GTF3A: variants seen among roughly 807,000 people sequenced by gnomAD.
GTF3A encodes the protein transcription factor IIIA.
A neutral mutation model predicts 37.6 loss-of-function variants in GTF3A; 40 were observed. The ratio of observed to expected loss-of-function variants is 1.06; its 90% CI spans 0.83 to 1.38. The LOEUF (loss-of-function observed/expected upper bound fraction) is 1.38, where lower values mean the gene tolerates loss of function less well. Ranked by LOEUF, GTF3A falls within the 40% of genes most tolerant of loss-of-function variation. The probability of loss-of-function intolerance (pLI) is 0.00; values close to 1 mark genes in which losing one functional copy is unlikely to be tolerated. For missense variants in GTF3A, 500 were observed against 462.6 expected (o/e 1.08, Z -0.74); for synonymous variants, 191 against 166.7 (o/e 1.15, Z -1.12).
rs977129512 is a variant in GTF3A, at chr13:27,435,192, A to G, written c.933A>G (p.Lys311=). 6 of 1,596,894 alleles carry G rather than the reference A, an allele frequency of 3.8e-6. No individual in the cohort carries two copies. The African/African-American group carries it at 4.1e-5, about 11-fold the overall frequency. Residue 311 remains lysine (K), a splice_region_variant and synonymous_variant, in exon 8 of 9, where the codon AAA becomes AAG. Transcript: ENST00000381140. Reference sequence around the variant, plus strand: ...CTGACAAGAAGAAAATGAAGCTCAAAGTAAGTTGAAACTACTTAGGCAAGC... The same window carrying G: ...CTGACAAGAAGAAAATGAAGCTCAAGGTAAGTTGAAACTACTTAGGCAAGC...
chr13:27,434,573 G>C (rs1324817074), intron 6 of GTF3A: 3 of 568,140 alleles, frequency 5.3e-6, no homozygotes, highest in Admixed American at 6.7e-5. Flanking sequence ...TCACCTTCCT[G>C]AGAGCCCTGC....
chr13:27,435,028 A>G lies in GTF3A; in HGVS notation c.867A>G (p.Ala289=). The change falls in exon 7 of 9, where the codon GCA becomes GCG. Residue 289 remains alanine, a synonymous_variant. Coordinates refer to ENST00000381140, the MANE Select transcript of GTF3A (RefSeq NM_002097.3). Reference sequence around the variant, plus strand: ...ATGCTGGCTGTGGCAAAACATTTGCAATGAAAGTAAGCACTCACCCTCATA... The same window carrying G: ...ATGCTGGCTGTGGCAAAACATTTGCGATGAAAGTAAGCACTCACCCTCATA... 1 of 1,591,980 alleles carries G rather than the reference A, an allele frequency of 6.3e-7. No homozygotes were observed. Among genetic ancestry groups the G allele is most frequent in the Non-Finnish European group, 8.6e-7 (1 of 1,159,892 alleles).
chr13:27,425,003 C>T, intron 1 of GTF3A, 65 bp downstream of exon 1: 5 of 1,217,190 alleles, frequency 4.1e-6, no homozygotes, highest in Non-Finnish European at 4.6e-6. Context: ...GTAGCCACTG[C>T]AGTCGTGGCC....
chr13:27,429,034 C>T (rs538764517), intron 2 of GTF3A, among the ~76,000 whole-genome samples: 1 of 152,120 alleles, frequency 6.6e-6, no homozygotes, highest in East Asian at 1.9e-4. Context: ...GGCCACCTGC[C>T]CAGCTAACAC....
At position 27,435,345 on chromosome 13, in the gene GTF3A, A is replaced by AG. The variant is rs1953703273; in HGVS notation, c.934-88_934-87insG. The AG allele has an allele frequency of 1.2e-5, 16 of 1,371,030 alleles. No individual in the cohort carries two copies. The South Asian group carries it at 1.7e-4, about 15-fold the overall frequency. 84.9% of individuals were successfully genotyped at this position (1,371,030 alleles called of 1,614,324 possible). A position where few individuals can be genotyped will look rare whatever the true frequency, so the allele number is the denominator to read the frequency against. ...TCCTCATAAAGCAATGTTGTACACT[A>AG]TATCTGCTGGTACATATGACTATCG... On this transcript the variant is annotated intron_variant, in intron 8 of 8. Transcript: ENST00000381140.
chr13:27,427,138 G>C lies in GTF3A; in HGVS notation c.248G>C (p.Arg83Thr), dbSNP rs761290462. 9 of 1,608,334 alleles carry C rather than the reference G, an allele frequency of 5.6e-6. No homozygotes were observed. The highest frequency in any genetic ancestry group is 4.0e-5 in the African/African-American group (3 of 74,826). ...GAAGGGTGTGGCAAGGCCTTCATCA[G>C]GGACTACCATCTGAGCCGCCACATT... Residue 83 changes from arginine (R) to threonine (T), a missense_variant, in exon 2 of 9, where the codon AGG (arginine) becomes ACG (threonine). Arg to Thr is a moderately conservative substitution (Grantham distance 71). Transcript: ENST00000381140.
In GTF3A at chr13:27,432,727, G is replaced by C; in HGVS notation, c.489-4G>C. ...GGCTAATACCTCATGTGTTGCCAAT[G>C]CAGGTGTACCCAGGAAGGATGTGGG... On this transcript the variant is annotated splice_region_variant and splice_polypyrimidine_tract_variant and intron_variant, in intron 4 of 8. Coordinates refer to ENST00000381140, the MANE Select transcript of GTF3A (RefSeq NM_002097.3). The C allele has an allele frequency of 6.2e-7, 1 of 1,601,110 alleles. No individual in the cohort carries two copies. Among genetic ancestry groups the C allele is most frequent in the Non-Finnish European group, 8.5e-7 (1 of 1,173,270 alleles).
In GTF3A at chr13:27,435,502, C is replaced by G; in HGVS notation, c.1003C>G (p.Gln335Glu). ...TGGATATATCCCTCCCAAAAGGAAA[C>G]AAGGGCAAGGCTTATCTTTGTGTCA... The change falls in exon 9 of 9, where the codon CAA becomes GAA. Residue 335 changes from glutamine to glutamate, a missense_variant. By Grantham distance (29) the Gln-to-Glu change is conservative (BLOSUM62 2). Coordinates refer to ENST00000381140, the MANE Select transcript of GTF3A (RefSeq NM_002097.3). 4 of 1,613,254 alleles carry G rather than the reference C, an allele frequency of 2.5e-6. No individual in the cohort carries two copies. In the South Asian group the frequency reaches 4.4e-5, roughly 18 times the overall value.
At chr13:27,433,946 C>T (rs1414942042) in intron 5 of GTF3A, among the ~76,000 whole-genome samples, 193 bp from the exon 6 acceptor site, 4 of 152,142 alleles carry the variant, frequency 2.6e-5, no homozygotes, top group Non-Finnish European at 5.9e-5. Context: ...AAGGGAGGCA[C>T]CTTGCTGTGC....
In GTF3A at chr13:27,434,975, G is replaced by A; in HGVS notation, c.814G>A (p.Glu272Lys). The stretch of plus-strand genomic sequence containing the variant: ...CCAAAGCCATATCCTCTCCTTCCAT[G>A]AGGAAAGCCGCCCTTTTGTGTGTGA... Residue 272 changes from glutamate to lysine, a missense_variant, in exon 7 of 9, where the codon GAG becomes AAG. Physicochemically the swap from Glu to Lys is moderately conservative, Grantham distance 56. Coordinates refer to ENST00000381140, the MANE Select transcript of GTF3A (RefSeq NM_002097.3). 1.2e-6 allele frequency: 2 copies of A among 1,612,686 alleles called. No homozygotes were observed. The highest frequency in any genetic ancestry group is 1.6e-4 in the Middle Eastern group (1 of 6,062).
intron 5 of GTF3A, 148 bp downstream of exon 5, chr13:27,432,952 G>A (rs1386665949): frequency 1.5e-6 from 1 of 662,314 alleles, no homozygotes; most frequent in Non-Finnish European, 2.7e-6. Context: ...CTTGTCCAAA[G>A]AGGCACTGTA....
Position 27,424,741 on chromosome 13 carries a change from G to C in GTF3A, c.4G>C (p.Asp2His), listed in dbSNP as rs1953586330. 6.8e-7 allele frequency: 1 copy of C among 1,463,816 alleles called. No individual in the cohort carries two copies. Among genetic ancestry groups the C allele is most frequent in the Non-Finnish European group, 9.0e-7 (1 of 1,109,316 alleles). 90.7% of individuals were successfully genotyped at this position (1,463,816 alleles called of 1,614,324 possible). A position where few individuals can be genotyped will look rare whatever the true frequency, so the allele number is the denominator to read the frequency against. The stretch of plus-strand genomic sequence containing the variant: ...TGGGCTTGGAGGCGCCGGCGCCCTG[G>C]ATCCGCCGGCCGTGGTCGCCGAGTC... Residue 2 changes from aspartate (D) to histidine (H), a missense_variant, in exon 1 of 9, where the codon GAT becomes CAT. Asp to His is a moderately conservative substitution (Grantham distance 81). Coordinates refer to ENST00000381140, the MANE Select transcript of GTF3A (RefSeq NM_002097.3).
chr13:27,433,708 C>T (rs759753982), intron 5 of GTF3A, among the ~76,000 whole-genome samples: 17 of 151,836 alleles, frequency 1.1e-4, no homozygotes, highest in Non-Finnish European at 1.8e-4. Context: ...AGTATGTTTG[C>T]TGAGGAAAAT....
At chr13:27,430,888 T>G (rs1432796063) in intron 4 of GTF3A, among the ~76,000 whole-genome samples, 2 of 152,246 alleles carry the variant, frequency 1.3e-5, no homozygotes, top group Non-Finnish European at 2.9e-5. Flanking sequence ...TTTACTCTGC[T>G]GATTATTTCT....
In GTF3A at chr13:27,424,642, G is replaced by A. The variant is rs1593176527; in HGVS notation, c.-96G>A. 5 of 916,604 alleles carry A rather than the reference G, an allele frequency of 5.5e-6. No homozygotes were observed. Among genetic ancestry groups the A allele is most frequent in the Non-Finnish European group, 5.9e-6 (4 of 675,096 alleles). 56.8% of individuals were successfully genotyped at this position (916,604 alleles called of 1,614,324 possible). The stretch of plus-strand genomic sequence containing the variant: ...GGAAGTGTGCCGGCGTCGCGCGAAG[G>A]TTCAGCAGGGAGCCGTGGGCCGGGC... On this transcript the variant is annotated 5_prime_UTR_variant, in exon 1 of 9. Coordinates refer to ENST00000381140, the MANE Select transcript of GTF3A (RefSeq NM_002097.3).
At position 27,434,163 on chromosome 13, in the gene GTF3A, C is replaced by T. The variant is rs746752656; in HGVS notation, c.587C>T (p.Ser196Phe). 3.6e-5 allele frequency: 50 copies of T among 1,397,702 alleles called. No homozygotes were observed. Among genetic ancestry groups the T allele is most frequent in the Non-Finnish European group, 4.6e-5 (45 of 982,670 alleles). The allele number at this position is 1,397,702 out of a possible 1,614,324, so 86.6% of individuals were successfully genotyped here. Residue 196 changes from serine to phenylalanine, a missense_variant, in exon 6 of 9, where the codon TCC becomes TTC. By Grantham distance (155) the Ser-to-Phe change is radical (BLOSUM62 -2). Coordinates refer to ENST00000381140, the MANE Select transcript of GTF3A (RefSeq NM_002097.3). ...GGCTATGTATGTCAAAAAGGATGTT[C>T]CTTTGTGGCAAAAACATGGACGGAA...
chr13:27,430,504 A>G (rs756041518), intron 3 of GTF3A, 29 bp from the exon 4 acceptor site: 36 of 1,366,674 alleles, frequency 2.6e-5, no homozygotes, highest in Admixed American at 3.5e-5. Context: ...GACTTTCCAT[A>G]AGACTAACGA....
rs190091902 is a variant in GTF3A, at chr13:27,433,639, G to A, written c.563-500G>A. ...GGCCAGACTAGAGGAAGCCAGAGGT[G>A]GGCATGGTAACACTACTGAAAAGTT... On this transcript the variant is annotated intron_variant, in intron 5 of 8. Coordinates refer to ENST00000381140, the MANE Select transcript of GTF3A (RefSeq NM_002097.3). Among the ~76,000 whole-genome samples the A allele has an allele frequency of 3.8e-4, 57 of 151,892 alleles. 1 individual carries two copies. The highest frequency in any genetic ancestry group is 3.9e-4 in the Admixed American group (6 of 15,242).
At position 27,434,930 on chromosome 13, in the gene GTF3A, T is replaced by G; in HGVS notation, c.769T>G (p.Tyr257Asp). The stretch of plus-strand genomic sequence containing the variant: ...TCCAAGAGAAGGCTGTGGAAGAACC[T>G]ATACAACTGTGTTTAATCTCCAAAG... The change falls in exon 7 of 9, where the codon TAT (tyrosine) becomes GAT (aspartate). Residue 257 changes from tyrosine (Y) to aspartate (D), a missense_variant. Coordinates refer to ENST00000381140, the MANE Select transcript of GTF3A (RefSeq NM_002097.3). 1 of 1,609,662 alleles carries G rather than the reference T, an allele frequency of 6.2e-7. No homozygotes were observed. Among genetic ancestry groups the G allele is most frequent in the Non-Finnish European group, 8.5e-7 (1 of 1,175,890 alleles).
Sources: allele counts gnomAD v4.1 joint callset (sites outside exome capture counted in the v4.1 genomes callset), GRCh38; gene constraint gnomAD v4.1.1; transcripts MANE v1.5; gene names NCBI Gene and HGNC (gene_info 2026-07-23, HGNC 2026-07-21).